Variants in PCDHA3 observed in about 807,000 individuals in gnomAD.
PCDHA3 encodes the protein protocadherin alpha-3.
In PCDHA3, 41 loss-of-function variants were observed where a neutral mutation model predicts 62.2. That is an observed-to-expected ratio of 0.66 (90% CI 0.51 to 0.86). The LOEUF (loss-of-function observed/expected upper bound fraction) is 0.86. Among genes scored for constraint, PCDHA3 ranks in the 40% least tolerant of loss-of-function variants. The probability of loss-of-function intolerance (pLI) is 0.00; values close to 1 mark genes in which losing one functional copy is unlikely to be tolerated. For synonymous variants in PCDHA3, 640 were observed against 555.4 expected (o/e 1.15, Z -2.14); for missense variants, 1,304 against 1,241.2 (o/e 1.05, Z -0.76).
chr5:140,847,661 T>C (rs1781128482), intron 1 of PCDHA3: 1 of 149,742 alleles, frequency 6.7e-6, no homozygotes, highest in Non-Finnish European at 1.5e-5. Flanking sequence ...TCATAGATTA[T>C]AAAGCTTGGA....
At chr5:140,834,987 A>G in intron 1 of PCDHA3, 1 of 1,457,052 alleles carries the variant, frequency 6.9e-7, no homozygotes, top group Non-Finnish European at 9.3e-7. Flanking sequence ...ACTTTTAGAC[A>G]GAGAAGAAAC....
At chr5:140,844,210 G>A (rs2150369516) in intron 1 of PCDHA3, among the ~76,000 whole-genome samples, 22 of 149,554 alleles carry the variant, frequency 1.5e-4, no homozygotes, top group African/African-American at 5.4e-4. Context: ...GTGTCTGGTA[G>A]TCACAAATAT....
chr5:140,928,955 T>A, intron 1 of PCDHA3: 1 of 1,614,024 alleles, frequency 6.2e-7, no homozygotes, highest in Middle Eastern at 1.6e-4. Context: ...GTAATTGCCT[T>A]GGCTTGTATT....
rs140680694 is a variant in PCDHA3, at chr5:140,925,580, G to A, written c.2395-53369G>A. 5.4e-3 allele frequency among the ~76,000 whole-genome samples: 819 copies of A among 151,688 alleles called. 10 individuals carry two copies. The highest frequency in any genetic ancestry group is 0.019 in the African/African-American group (777 of 41,364). On this transcript the variant is annotated intron_variant, in intron 1 of 3. Transcript: ENST00000522353. ...GTTAATGGGTGCAGCACACCAACATGGCGCATGTATACATATGTAACAAAC... is the reference window on the plus strand; with the variant it reads ...GTTAATGGGTGCAGCACACCAACATAGCGCATGTATACATATGTAACAAAC...
At chr5:140,888,213 T>A (rs1460298215) in intron 1 of PCDHA3, among the ~76,000 whole-genome samples, 1 of 152,170 alleles carries the variant, frequency 6.6e-6, no homozygotes, top group East Asian at 1.9e-4. Context: ...CTGGATTTTG[T>A]GTGTGTGTGC....
chr5:140,822,334 G>A (rs2150115607), intron 1 of PCDHA3: 40,101 of 1,614,120 alleles, frequency 0.025, 600 homozygotes, highest in Non-Finnish European at 0.03. Flanking sequence ...AAATGAAGAA[G>A]AAACGAACTT....
intron 3 of PCDHA3, among the ~76,000 whole-genome samples, chr5:140,992,017 CTG>C (rs10602499): frequency 0.14 from 19,772 of 145,244 alleles, 1,405 homozygotes; most frequent in African/African-American, 0.18. Flanking sequence ...AGAGGTGGCT[CTG>C]TGTGTGTGTG....
chr5:140,969,554 T>C (rs2096342030), intron 1 of PCDHA3: 12 of 1,222,074 alleles, frequency 9.8e-6, no homozygotes, highest in Non-Finnish European at 1.3e-5. Context: ...TGAAGCCTTG[T>C]CCATAAAATT....
chr5:140,921,721 C>A (rs2080351320), intron 1 of PCDHA3, among the ~76,000 whole-genome samples: 2 of 152,068 alleles, frequency 1.3e-5, no homozygotes, highest in African/African-American at 4.8e-5. Context: ...ACACGAATTA[C>A]TCCCATAAAA....
chr5:140,829,874 C>T lies in PCDHA3; in HGVS notation c.2394+26283C>T, dbSNP rs2150176706. ...TGCAGGCCAAGTGGTGGCGAAGGTGCGCGCAGTTGACGCCGACTCAGGCTA... is the reference window on the plus strand; with the variant it reads ...TGCAGGCCAAGTGGTGGCGAAGGTGTGCGCAGTTGACGCCGACTCAGGCTA... On this transcript the variant is annotated intron_variant, in intron 1 of 3. Transcript: ENST00000522353. The T allele has an allele frequency of 1.2e-5, 19 of 1,613,808 alleles. No individual in the cohort carries two copies. In the South Asian group the frequency reaches 1.8e-4, roughly 15 times the overall value.
intron 1 of PCDHA3, among the ~76,000 whole-genome samples, chr5:140,884,876 C>A (rs1554181909): frequency 6.6e-6 from 1 of 152,096 alleles, no homozygotes; most frequent in African/African-American, 2.4e-5. Context: ...ATGAAATGTG[C>A]AAAACAAGAA....
chr5:140,916,717 T>C (rs781839792), intron 1 of PCDHA3, among the ~76,000 whole-genome samples: 1 of 151,908 alleles, frequency 6.6e-6, no homozygotes, highest in South Asian at 2.1e-4. Flanking sequence ...AAGGAAGGAG[T>C]GACTTTTGTT....
At chr5:140,895,454 G>T (rs1554186522) in intron 1 of PCDHA3, among the ~76,000 whole-genome samples, 1 of 151,918 alleles carries the variant, frequency 6.6e-6, no homozygotes, top group Non-Finnish European at 1.5e-5. Context: ...TGTGCTTATT[G>T]GTCATTTCTT....
rs2150169954 is a variant in PCDHA3 at position 140,829,555 on chromosome 5, G to C, written c.2394+25964G>C. 7.4e-5 allele frequency: 119 copies of C among 1,612,836 alleles called. No homozygotes were observed. In the East Asian group the frequency reaches 1.6e-3, roughly 21 times the overall value. On this transcript the variant is annotated intron_variant, in intron 1 of 3. Transcript: ENST00000522353. Reference sequence around the variant, plus strand: ...GAGACGCGGACGCGCAGGAGAACGCGCTGGTGTCCTACTCGCTGGTGGAGC... The same window carrying C: ...GAGACGCGGACGCGCAGGAGAACGCCCTGGTGTCCTACTCGCTGGTGGAGC...
At chr5:140,915,861 G>A (rs2077339820) in intron 1 of PCDHA3, among the ~76,000 whole-genome samples, 1 of 152,182 alleles carries the variant, frequency 6.6e-6, no homozygotes, top group African/African-American at 2.4e-5. Flanking sequence ...AGCCAAGTTT[G>A]CATCCTTCCC....
rs1554131658 is a variant in PCDHA3 at position 140,828,947 on chromosome 5, G to T, written c.2394+25356G>T. 6.2e-7 allele frequency: 1 copy of T among 1,614,120 alleles called. No individual in the cohort carries two copies. The highest frequency in any genetic ancestry group is 1.3e-5 in the African/African-American group (1 of 74,944). On this transcript the variant is annotated intron_variant, in intron 1 of 3. Transcript: ENST00000522353. Reference sequence around the variant, plus strand: ...TTCATATTCTTTTAATAGCCTTGTTGCAGCCATGGTTATTGACCACTTTAG... The same window carrying T: ...TTCATATTCTTTTAATAGCCTTGTTTCAGCCATGGTTATTGACCACTTTAG...
chr5:140,887,221 C>G lies in PCDHA3; in HGVS notation c.2394+83630C>G, dbSNP rs149306651. ...ACGCCATTCTCCTGCCTCAGCCTCCCGAGTAGCTGAGACTACCGGCGCCCG... is the reference window on the plus strand; with the variant it reads ...ACGCCATTCTCCTGCCTCAGCCTCCGGAGTAGCTGAGACTACCGGCGCCCG... On this transcript the variant is annotated intron_variant, in intron 1 of 3. Transcript: ENST00000522353. Among the ~76,000 whole-genome samples, 1,413 of 151,972 alleles carry G rather than the reference C, an allele frequency of 9.3e-3. 17 individuals carry two copies. The highest frequency in any genetic ancestry group is 0.033 in the African/African-American group (1,349 of 41,450).
chr5:140,970,293 T>C (rs2096396195), intron 1 of PCDHA3, among the ~76,000 whole-genome samples: 3 of 152,220 alleles, frequency 2.0e-5, no homozygotes, highest in Admixed American at 2.0e-4. Context: ...TTTCAAGTCC[T>C]TCATGTCTTT....
intron 1 of PCDHA3, chr5:140,868,711 A>G (rs2050603151): frequency 1.1e-5 from 2 of 187,754 alleles, no homozygotes; most frequent in Non-Finnish European, 2.2e-5. Flanking sequence ...AGACACAATA[A>G]TTTAAATTTG....
Sources: allele counts gnomAD v4.1 joint callset (sites outside exome capture counted in the v4.1 genomes callset), GRCh38; gene constraint gnomAD v4.1.1; transcripts MANE v1.5; gene names NCBI Gene and HGNC (gene_info 2026-07-23, HGNC 2026-07-21).